The following DYSF variants were observed in gnomAD, a reference collection of about 807,000 sequenced individuals.
DYSF encodes dysferlin, also known as dystrophy-associated fer-1-like 1.
A neutral mutation model predicts 274.9 loss-of-function variants in DYSF; 212 were observed. The ratio of observed to expected loss-of-function variants is 0.77; its 90% CI spans 0.69 to 0.86. The LOEUF (loss-of-function observed/expected upper bound fraction) is 0.86. Among genes scored for constraint, DYSF ranks in the 40% least tolerant of loss-of-function variants. The pLI, the probability that DYSF is intolerant of heterozygous loss-of-function variation, is 0.00. For missense variants in DYSF, 2,666 were observed against 2,783.2 expected, an observed-to-expected ratio of 0.96 and a Z score of 0.95; for synonymous variants, 1,091 against 1,078.7, an observed-to-expected ratio of 1.01 and a Z score of -0.22.
At chr2:71,484,045 CTTTTTTTT>C (rs59780652) in intron 3 of DYSF, among the ~76,000 whole-genome samples, 1 of 67,548 alleles carries the variant, frequency 1.5e-5, no homozygotes, top group Non-Finnish European at 2.5e-5. Context: ...GGAGATTTCC[CTTTTTTTT>C]TTTTTTTTTT....
At chr2:71,652,256 T>G (rs1302856895) in intron 42 of DYSF, among the ~76,000 whole-genome samples, 1 of 152,226 alleles carries the variant, frequency 6.6e-6, no homozygotes, top group Non-Finnish European at 1.5e-5. Flanking sequence ...ATGTTATCAC[T>G]AACATTGGTC....
chr2:71,524,740 A>G (rs1170977439), intron 12 of DYSF, among the ~76,000 whole-genome samples: 1 of 152,232 alleles, frequency 6.6e-6, no homozygotes, highest in Non-Finnish European at 1.5e-5. Flanking sequence ...GGGCCTCTGC[A>G]TGAGTTGCCT....
rs370146876 is a variant in DYSF at position 71,665,342 on chromosome 2, C to T, written c.5317+38C>T. 3.0e-5 allele frequency: 49 copies of T among 1,613,324 alleles called. No homozygotes were observed. In the African/African-American group the frequency reaches 5.2e-4, roughly 17 times the overall value. On this transcript the variant is annotated intron_variant, in intron 47 of 55. Coordinates refer to ENST00000410020, the MANE Select transcript of DYSF (RefSeq NM_001130987.2). ...ATGACCCCAAACCATGGTGGGCTCT[C>T]GCTGTATCCCTCCCTCTCTCATCAG...
upstream of DYSF, among the ~76,000 whole-genome samples, chr2:71,464,644 G>C (rs1051852903): frequency 2.0e-5 from 3 of 152,044 alleles, no homozygotes; most frequent in African/African-American, 7.2e-5. Flanking sequence ...TAAGGGGAGA[G>C]TGGCTGGAGA....
At chr2:71,527,764 T>TA (rs1169576471) in intron 13 of DYSF, among the ~76,000 whole-genome samples, 1 of 152,172 alleles carries the variant, frequency 6.6e-6, no homozygotes, top group African/African-American at 2.4e-5. Context: ...TGTATACACA[T>TA]AAACATATCT....
chr2:71,479,532 G>C (rs1345917034), intron 1 of DYSF, among the ~76,000 whole-genome samples: 1 of 152,214 alleles, frequency 6.6e-6, no homozygotes, highest in Non-Finnish European at 1.5e-5. Flanking sequence ...GCACCTGCCT[G>C]TTTCTCCCAG....
chr2:71,653,726 G>C (rs2152934471), intron 42 of DYSF, among the ~76,000 whole-genome samples: 1 of 150,716 alleles, frequency 6.6e-6, no homozygotes, highest in East Asian at 2.0e-4. Context: ...AGAGTTAATG[G>C]GTGCAGCACA....
In DYSF at chr2:71,568,058, G is replaced by A. The variant is rs530181166; in HGVS notation, c.2673G>A (p.Gly891=). 62 of 1,614,192 alleles carry A rather than the reference G, an allele frequency of 3.8e-5. No homozygotes were observed. The South Asian group carries it at 6.7e-4, about 17-fold the overall frequency. ...DEKEFNQFAE[G]KLSVFAETYE... is the part of the protein sequence containing the mutation. ...AGGAGTTCAACCAGTTTGCTGAGGG[G>A]AAGCTGTCTGTCTTTGCTGAAACCG... is the stretch of plus-strand genomic sequence containing the variant. The change falls in exon 25 of 56, where the codon GGG becomes GGA. Residue 891 remains glycine (G), a synonymous_variant. Coordinates refer to ENST00000410020, the MANE Select transcript of DYSF (RefSeq NM_001130987.2).
In DYSF at chr2:71,589,543, AC is replaced by A. The variant is rs776810705; in HGVS notation, c.3403-45del. 6.8e-5 allele frequency: 99 copies of A among 1,464,350 alleles called. 1 individual carries two copies. The African/African-American group carries it at 6.8e-4, about 10-fold the overall frequency. 90.7% of individuals were successfully genotyped at this position (1,464,350 alleles called of 1,614,324 possible). A position where few individuals can be genotyped will look rare whatever the true frequency, so the allele number is the denominator to read the frequency against. ...AACTCTCTGGGCTAGTCTCCCTGCC[AC>A]CCCCAGGCCTGGGGGCAGAATCTGC... On this transcript the variant is annotated intron_variant, in intron 30 of 55. Coordinates refer to ENST00000410020, the MANE Select transcript of DYSF (RefSeq NM_001130987.2).
chr2:71,526,925 C>G (rs1215059794), intron 13 of DYSF, among the ~76,000 whole-genome samples: 1 of 152,264 alleles, frequency 6.6e-6, no homozygotes, highest in East Asian at 1.9e-4. Flanking sequence ...GGGCACCCGA[C>G]TTGCAACCAT....
intron 41 of DYSF, among the ~76,000 whole-genome samples, chr2:71,626,584 C>T (rs2094211985): frequency 6.6e-6 from 1 of 151,790 alleles, no homozygotes; most frequent in Non-Finnish European, 1.5e-5. Flanking sequence ...CTAAGCTGAT[C>T]ATGATATATT....
At chr2:71,631,555 C>T (rs1024478899) in intron 41 of DYSF, among the ~76,000 whole-genome samples, 2 of 152,126 alleles carry the variant, frequency 1.3e-5, no homozygotes, top group Non-Finnish European at 2.9e-5. Context: ...CTCATTCTTT[C>T]TCTCATTTTC....
chr2:71,646,115 C>T (rs2152926812), intron 42 of DYSF, among the ~76,000 whole-genome samples: 1 of 152,332 alleles, frequency 6.6e-6, no homozygotes, highest in South Asian at 2.1e-4. Context: ...GAGGCACAGG[C>T]AGCAGCAGCT....
At chr2:71,621,080 G>A (rs914119926) in intron 41 of DYSF, among the ~76,000 whole-genome samples, 1 of 152,098 alleles carries the variant, frequency 6.6e-6, no homozygotes, top group African/African-American at 2.4e-5. Context: ...CCAACAGTCT[G>A]CTCCTGCAGT....
Position 71,552,945 on chromosome 2 carries a change from C to T in DYSF, c.1807-66C>T. The T allele has an allele frequency of 3.2e-6, 5 of 1,568,382 alleles. No individual in the cohort carries two copies. In the South Asian group the frequency reaches 5.6e-5, roughly 18 times the overall value. On this transcript the variant is annotated intron_variant, in intron 19 of 55. Coordinates refer to ENST00000410020, the MANE Select transcript of DYSF (RefSeq NM_001130987.2). ...GGCCGGGGCCTGCCAGACGTATGTC[C>T]CCTCCCCAGCCTGGGTGCCTTTCTT...
chr2:71,651,194 CA>C (rs1169014491), intron 42 of DYSF, among the ~76,000 whole-genome samples: 2 of 151,514 alleles, frequency 1.3e-5, no homozygotes, highest in Non-Finnish European at 2.9e-5. Flanking sequence ...AAAGGAAAAG[CA>C]GAAAAAATTA....
chr2:71,581,782 CTCT>C (rs1293982254), intron 30 of DYSF, among the ~76,000 whole-genome samples: 1 of 152,158 alleles, frequency 6.6e-6, no homozygotes, highest in Non-Finnish European at 1.5e-5. Context: ...AAATAATAAC[CTCT>C]TCTTATGGAG....
chr2:71,643,147 A>G (rs2094513244), intron 41 of DYSF, among the ~76,000 whole-genome samples: 1 of 152,128 alleles, frequency 6.6e-6, no homozygotes, highest in African/African-American at 2.4e-5. Context: ...CTGCCGAGAC[A>G]GGACACAGCT....
chr2:71,680,915 C>A (rs994418894), intron 53 of DYSF, 86 bp from the exon 54 acceptor site: 31 of 1,035,064 alleles, frequency 3.0e-5, no homozygotes, highest in Non-Finnish European at 4.2e-5. Flanking sequence ...AATGAAGTGG[C>A]CCTTATGTTT....
Sources: allele counts gnomAD v4.1 joint callset (sites outside exome capture counted in the v4.1 genomes callset), GRCh38; gene constraint gnomAD v4.1.1; transcripts MANE v1.5; gene names NCBI Gene and HGNC (gene_info 2026-07-23, HGNC 2026-07-21).